CSMD1: variants seen among roughly 807,000 people sequenced by gnomAD.
The protein encoded by CSMD1 is CUB and Sushi multiple domains 1.
Under a neutral mutation model 417.5 loss-of-function variants are expected in CSMD1, and 213 were observed. The observed-to-expected ratio is 0.51, with a 90% confidence interval of 0.46 to 0.57. The LOEUF is 0.57. CSMD1 is among the 20% of genes least tolerant of loss of function. CSMD1 has a pLI of 0.00. For synonymous variants in CSMD1, 2,862 were observed against 1,736.8 expected (o/e 1.65, Z -16.11); for missense variants, 6,923 against 4,529.7 (o/e 1.53, Z -15.17).
chr8:3,324,204 T>C (rs112041918), intron 23 of CSMD1, among the ~76,000 whole-genome samples: 1 of 118,380 alleles, frequency 8.4e-6, no homozygotes. Flanking sequence ...GTTGTTAAAA[T>C]AGACACACAC....
chr8:3,642,394 C>T (rs187410625), intron 7 of CSMD1, among the ~76,000 whole-genome samples: 19 of 152,218 alleles, frequency 1.2e-4, no homozygotes, highest in Admixed American at 6.5e-4. Context: ...AGTCCACTTT[C>T]CCATGAGTTT....
intron 12 of CSMD1, among the ~76,000 whole-genome samples, chr8:3,464,881 A>T (rs904920834): frequency 6.6e-6 from 1 of 152,154 alleles, no homozygotes; most frequent in Non-Finnish European, 1.5e-5. Context: ...GACACTTAAC[A>T]TGATCTCCCT....
At chr8:3,685,995 T>G in intron 7 of CSMD1, among the ~76,000 whole-genome samples, 1 of 152,130 alleles carries the variant, frequency 6.6e-6, no homozygotes, top group Non-Finnish European at 1.5e-5. Flanking sequence ...ATAAAATATA[T>G]TATTCTTTCT....
intron 27 of CSMD1, among the ~76,000 whole-genome samples, chr8:3,225,883 A>G (rs1585711249): frequency 1.3e-5 from 2 of 152,242 alleles, no homozygotes; most frequent in African/African-American, 4.8e-5. Flanking sequence ...ATAGTAAAAA[A>G]TGCAACTCAG....
intron 2 of CSMD1, among the ~76,000 whole-genome samples, chr8:4,617,156 T>C (rs1038170129): frequency 1.3e-5 from 2 of 152,172 alleles, no homozygotes; most frequent in Non-Finnish European, 2.9e-5. Flanking sequence ...TGTATTTCTA[T>C]TATCACTATC....
chr8:2,954,778 A>G (rs73499055), intron 64 of CSMD1, among the ~76,000 whole-genome samples: 1,601 of 152,344 alleles, frequency 0.011, 20 homozygotes, highest in African/African-American at 0.036. Context: ...TCACAGTTTT[A>G]GATCAAACTA....
intron 3 of CSMD1, among the ~76,000 whole-genome samples, chr8:4,090,015 G>C (rs1490463992): frequency 6.6e-6 from 1 of 152,154 alleles, no homozygotes; most frequent in Non-Finnish European, 1.5e-5. Flanking sequence ...AGCCTGTTTT[G>C]TAAAGGAATT....
intron 3 of CSMD1, among the ~76,000 whole-genome samples, chr8:4,405,737 T>C (rs1267991687): frequency 6.6e-6 from 1 of 152,228 alleles, no homozygotes; most frequent in Non-Finnish European, 1.5e-5. Flanking sequence ...TTGAAGTTAG[T>C]GCACCACCAG....
At chr8:3,089,162 G>C (rs1814750417) in intron 48 of CSMD1, among the ~76,000 whole-genome samples, 1 of 152,198 alleles carries the variant, frequency 6.6e-6, no homozygotes, top group Admixed American at 6.5e-5. Context: ...GAGGAATTCA[G>C]AGGAGCAGGG....
At chr8:3,316,475 G>C (rs1181085990) in intron 23 of CSMD1, among the ~76,000 whole-genome samples, 2 of 152,152 alleles carry the variant, frequency 1.3e-5, no homozygotes, top group Non-Finnish European at 2.9e-5. Flanking sequence ...TTGCGTGAAG[G>C]TTGAGAGGGA....
intron 2 of CSMD1, among the ~76,000 whole-genome samples, chr8:4,531,881 AT>A (rs1796835606): frequency 1.3e-5 from 2 of 152,002 alleles, no homozygotes; most frequent in Admixed American, 6.6e-5. Context: ...CGGAAGAGAA[AT>A]CCTGCACCCC....
intron 10 of CSMD1, among the ~76,000 whole-genome samples, chr8:3,504,134 T>C (rs1391613676): frequency 6.6e-6 from 1 of 152,154 alleles, no homozygotes; most frequent in African/African-American, 2.4e-5. Flanking sequence ...ATGTTTGAAG[T>C]GATGAATATG....
chr8:4,477,427 G>A (rs1800863274), intron 2 of CSMD1, among the ~76,000 whole-genome samples: 1 of 152,192 alleles, frequency 6.6e-6, no homozygotes, highest in Non-Finnish European at 1.5e-5. Flanking sequence ...AAATTGGGGG[G>A]CTCAGAAACT....
intron 61 of CSMD1, among the ~76,000 whole-genome samples, chr8:2,961,948 T>C (rs1803532170): frequency 6.6e-6 from 1 of 152,230 alleles, no homozygotes; most frequent in Admixed American, 6.5e-5. Context: ...TCTTTAATAC[T>C]ATATTTTCTA....
intron 3 of CSMD1, among the ~76,000 whole-genome samples, chr8:4,337,899 T>C (rs942864693): frequency 8.5e-5 from 13 of 152,132 alleles, no homozygotes; most frequent in Non-Finnish European, 1.6e-4. Context: ...TAAGACAAAA[T>C]GACCCCATCA....
intron 5 of CSMD1, among the ~76,000 whole-genome samples, chr8:3,887,696 T>G (rs909388439): frequency 6.6e-6 from 1 of 152,152 alleles, no homozygotes. Flanking sequence ...TACACAGAGG[T>G]CACAGGTTTG....
intron 2 of CSMD1, among the ~76,000 whole-genome samples, chr8:4,551,526 C>T (rs552345488): frequency 6.6e-6 from 1 of 152,302 alleles, no homozygotes; most frequent in East Asian, 1.9e-4. Context: ...ACCTGCCCAA[C>T]CATCCCTATG....
intron 3 of CSMD1, among the ~76,000 whole-genome samples, chr8:4,383,483 T>C (rs1474824519): frequency 6.6e-6 from 1 of 152,194 alleles, no homozygotes; most frequent in Non-Finnish European, 1.5e-5. Flanking sequence ...CAGTGATCTG[T>C]CGTCTGTAAT....
chr8:4,670,023 C>G (rs1025665257), intron 1 of CSMD1, among the ~76,000 whole-genome samples: 4 of 152,144 alleles, frequency 2.6e-5, no homozygotes, highest in Non-Finnish European at 4.4e-5. Flanking sequence ...AACAAATGAA[C>G]TCAACCATCT....
Sources: gnomAD v4.1 joint callset for allele counts (sites outside exome capture counted in the v4.1 genomes callset) on GRCh38, gnomAD v4.1.1 for gene constraint, MANE v1.5 for transcripts, NCBI Gene and HGNC (gene_info 2026-07-23, HGNC 2026-07-21) for gene names.